The following CNBD1 variants were observed in gnomAD, a reference collection of about 807,000 sequenced individuals.
CNBD1 encodes the protein cyclic nucleotide-binding domain-containing protein 1.
Under a neutral mutation model 54.4 loss-of-function variants are expected in CNBD1, and 71 were observed. The ratio of observed to expected loss-of-function variants is 1.30; its 90% CI spans 1.08 to 1.59. CNBD1 has a LOEUF of 1.59. Among genes scored for constraint, CNBD1 ranks in the 40% most tolerant of loss-of-function variants. CNBD1 has a pLI of 0.00. For synonymous variants in CNBD1, 182 were observed against 170.7 expected, an observed-to-expected ratio of 1.07 and a Z score of -0.51; for missense variants, 659 against 518.0, an observed-to-expected ratio of 1.27 and a Z score of -2.64.
At chr8:87,151,234 T>C (rs1812596891) in intron 4 of CNBD1, among the ~76,000 whole-genome samples, 1 of 152,164 alleles carries the variant, frequency 6.6e-6, no homozygotes, top group Admixed American at 6.5e-5. Context: ...TTTGACCCAA[T>C]TTAGATGGGG....
At position 87,027,030 on chromosome 8, in the gene CNBD1, T is replaced by G. The variant is rs143881395; in HGVS notation, c.431+87276T>G. On this transcript the variant is annotated intron_variant, in intron 4 of 10. Coordinates refer to ENST00000518476, the MANE Select transcript of CNBD1 (RefSeq NM_173538.3). ...TAAAGCCACCTTGTTTGTTAAAAAT[T>G]TCCTTAAGTCATGTGAACTTGAAAA... 7.1e-3 allele frequency among the ~76,000 whole-genome samples: 1,080 copies of G among 152,302 alleles called. 4 individuals are homozygous for G. Among genetic ancestry groups the G allele is most frequent in the Non-Finnish European group, 0.012 (804 of 68,018 alleles).
chr8:87,273,906 A>T (rs7814753), intron 6 of CNBD1, among the ~76,000 whole-genome samples: 32,393 of 146,214 alleles, frequency 0.22, 3,823 homozygotes, highest in South Asian at 0.27. Flanking sequence ...ATATCTCCCA[A>T]TGCTATCCCT....
chr8:87,239,036 G>C lies in CNBD1; in HGVS notation c.771+1924G>C, dbSNP rs538238732. ...TCATTAAAATTTTATCAGTGGTACT[G>C]ATACAACTGGTCAGAGACTACCAGT... On this transcript the variant is annotated intron_variant, in intron 6 of 10. Coordinates refer to ENST00000518476, the MANE Select transcript of CNBD1 (RefSeq NM_173538.3). Among the ~76,000 whole-genome samples, 15 of 152,198 alleles carry C rather than the reference G, an allele frequency of 9.9e-5. No homozygotes were observed. The South Asian group carries it at 3.1e-3, about 32-fold the overall frequency.
intron 3 of CNBD1, among the ~76,000 whole-genome samples, chr8:86,928,020 A>G (rs1427294981): frequency 6.6e-6 from 1 of 152,082 alleles, no homozygotes; most frequent in African/African-American, 2.4e-5. Flanking sequence ...CAGTGGAAGT[A>G]GAGAGGATTA....
At chr8:87,096,343 CTTTT>C (rs764461082) in intron 4 of CNBD1, among the ~76,000 whole-genome samples, 7 of 117,152 alleles carry the variant, frequency 6.0e-5, no homozygotes, top group African/African-American at 1.8e-4. Context: ...TCTCTGGTGT[CTTTT>C]TTTTTTTTTT....
chr8:87,338,026 T>C (rs1013469725), intron 8 of CNBD1, among the ~76,000 whole-genome samples: 3 of 152,196 alleles, frequency 2.0e-5, no homozygotes, highest in Non-Finnish European at 4.4e-5. Flanking sequence ...TATGATTTAA[T>C]TTTTTATGTC....
chr8:87,268,208 G>T (rs1351431183), intron 6 of CNBD1, among the ~76,000 whole-genome samples: 1 of 151,980 alleles, frequency 6.6e-6, no homozygotes. Context: ...TAAAGTATTT[G>T]GTTTTCTGTT....
chr8:87,193,288 G>A (rs1294137885), intron 4 of CNBD1, among the ~76,000 whole-genome samples: 1 of 152,094 alleles, frequency 6.6e-6, no homozygotes, highest in African/African-American at 2.4e-5. Context: ...AGGAGGACTT[G>A]GATAAAGAGC....
At chr8:87,017,855 A>G (rs370220859) in intron 4 of CNBD1, among the ~76,000 whole-genome samples, 42 of 152,356 alleles carry the variant, frequency 2.8e-4, no homozygotes, top group East Asian at 2.5e-3. Context: ...CATAAGTTCA[A>G]TAATAATTTT....
chr8:87,293,768 C>G (rs1009113755), intron 8 of CNBD1, among the ~76,000 whole-genome samples: 8 of 152,250 alleles, frequency 5.3e-5, no homozygotes, highest in Middle Eastern at 3.4e-3. Flanking sequence ...TCAACACACA[C>G]AGTGGAAACT....
intron 2 of CNBD1, among the ~76,000 whole-genome samples, chr8:87,423,150 C>T (rs1246335092): frequency 6.6e-6 from 1 of 152,244 alleles, no homozygotes; most frequent in South Asian, 2.1e-4. Context: ...GCTGAAGTTG[C>T]TTATCAGCTT....
chr8:87,416,741 C>A (rs1807843151), intron 2 of CNBD1, among the ~76,000 whole-genome samples: 1 of 151,914 alleles, frequency 6.6e-6, no homozygotes, highest in African/African-American at 2.4e-5. Flanking sequence ...CTCCTGAAGG[C>A]TGTGGATAAA....
At chr8:87,246,062 T>C (rs1395187896) in intron 6 of CNBD1, among the ~76,000 whole-genome samples, 1 of 152,118 alleles carries the variant, frequency 6.6e-6, no homozygotes, top group African/African-American at 2.4e-5. Context: ...AACTACTGCC[T>C]TAAGCCGATT....
At chr8:87,121,127 T>C (rs1357811) in intron 4 of CNBD1, among the ~76,000 whole-genome samples, 26,479 of 151,750 alleles carry the variant, frequency 0.17, 2,913 homozygotes, top group Non-Finnish European at 0.25. Context: ...TTTTATTTTC[T>C]TTCAGATATT....
At position 86,866,421 on chromosome 8, in the gene CNBD1, T is replaced by C; in HGVS notation, c.-75T>C. On this transcript the variant is annotated 5_prime_UTR_variant, in exon 1 of 11. It removes an upstream start codon present in the reference 5' UTR. Coordinates refer to ENST00000518476, the MANE Select transcript of CNBD1 (RefSeq NM_173538.3). ...GAGAGGACCTTGAAGTTCTGCTTTA[T>C]GAGCCTGCAGGCAAAGAGTGATCAT... is the stretch of plus-strand genomic sequence containing the variant. The C allele has an allele frequency of 6.8e-6, 7 of 1,036,198 alleles. No homozygotes were observed. The highest frequency in any genetic ancestry group is 1.0e-5 in the Non-Finnish European group (7 of 678,866). The allele number at this position is 1,036,198 out of a possible 1,614,324, so 64.2% of individuals were successfully genotyped here.
At chr8:87,084,230 A>T (rs2130669578) in intron 4 of CNBD1, among the ~76,000 whole-genome samples, 1 of 152,330 alleles carries the variant, frequency 6.6e-6, no homozygotes, top group Non-Finnish European at 1.5e-5. Flanking sequence ...AGACATTTTT[A>T]AAAAGTTTTA....
chr8:87,170,300 T>A (rs1276956373), intron 4 of CNBD1, among the ~76,000 whole-genome samples: 1 of 146,796 alleles, frequency 6.8e-6, no homozygotes, highest in African/African-American at 2.7e-5. Flanking sequence ...TTCTAATAGT[T>A]TTTTGGCAGA....
chr8:87,305,761 G>A (rs1325385370), intron 8 of CNBD1, among the ~76,000 whole-genome samples: 2 of 151,988 alleles, frequency 1.3e-5, no homozygotes, highest in Admixed American at 6.6e-5. Context: ...AACTCAAAAT[G>A]GATTAAAGAC....
rs142911693 is a variant in CNBD1 at position 87,052,327 on chromosome 8, T to C, written c.431+112573T>C. ...AGTAAACTTGTTTTTTAATATTAAC[T>C]GCCCCTCAATTGAATCAGGAGATAG... is the stretch of plus-strand genomic sequence containing the variant. On this transcript the variant is annotated intron_variant, in intron 4 of 10. Coordinates refer to ENST00000518476, the MANE Select transcript of CNBD1 (RefSeq NM_173538.3). Among the ~76,000 whole-genome samples, 522 of 152,264 alleles carry C rather than the reference T, an allele frequency of 3.4e-3. 8 individuals are homozygous for C. Among genetic ancestry groups the C allele is most frequent in the African/African-American group, 0.012 (504 of 41,530 alleles).
Sources: gnomAD v4.1 joint callset for allele counts (sites outside exome capture counted in the v4.1 genomes callset) on GRCh38, gnomAD v4.1.1 for gene constraint, MANE v1.5 for transcripts, NCBI Gene and HGNC (gene_info 2026-07-23, HGNC 2026-07-21) for gene names.